Variants in LRMDA observed in about 807,000 individuals in gnomAD.
LRMDA encodes the protein leucine-rich melanocyte differentiation-associated protein.
Under a neutral mutation model 29.8 loss-of-function variants are expected in LRMDA, and 18 were observed. That is an observed-to-expected ratio of 0.60 (90% CI 0.42 to 0.90). The LOEUF (loss-of-function observed/expected upper bound fraction) is 0.90. LRMDA is among the 40% of genes least tolerant of loss of function. LRMDA has a pLI of 0.00. For synonymous variants in LRMDA, 125 were observed against 109.4 expected, an observed-to-expected ratio of 1.14 and a Z score of -0.89; for missense variants, 273 against 273.9, an observed-to-expected ratio of 1.00 and a Z score of 0.02.
intron 5 of LRMDA, among the ~76,000 whole-genome samples, chr10:76,074,900 T>C (rs1290585772): frequency 6.6e-6 from 1 of 152,188 alleles, no homozygotes; most frequent in Non-Finnish European, 1.5e-5. Flanking sequence ...AACTCCTTGA[T>C]GGAGAGTGAG....
intron 2 of LRMDA, among the ~76,000 whole-genome samples, chr10:75,654,297 A>G (rs564890047): frequency 6.6e-6 from 1 of 152,330 alleles, no homozygotes; most frequent in South Asian, 2.1e-4. Context: ...TGGAGACATT[A>G]CATCTTTACA....
At chr10:76,163,422 T>G (rs2132181551) in intron 5 of LRMDA, among the ~76,000 whole-genome samples, 1 of 152,240 alleles carries the variant, frequency 6.6e-6, no homozygotes. Flanking sequence ...ATTCTAAATG[T>G]ATGTGTGGTA....
chr10:76,474,707 A>T (rs1393730621), intron 6 of LRMDA, among the ~76,000 whole-genome samples: 1 of 151,636 alleles, frequency 6.6e-6, no homozygotes, highest in Admixed American at 6.6e-5. Flanking sequence ...GGCTATAATC[A>T]AAAAAGATAA....
At position 75,700,839 on chromosome 10, in the gene LRMDA, C is replaced by T. The variant is rs1032248866; in HGVS notation, c.131+262345C>T. 1.2e-4 allele frequency among the ~76,000 whole-genome samples: 18 copies of T among 152,020 alleles called. No homozygotes were observed. In the South Asian group the frequency reaches 2.3e-3, roughly 19 times the overall value. On this transcript the variant is annotated intron_variant, in intron 2 of 6. Transcript: ENST00000611255. ...CAGGGTCCTAGGTTAAGCAGTAGGC[C>T]CAGGGAAGCATGGCTGATAGTAGGG...
intron 2 of LRMDA, among the ~76,000 whole-genome samples, chr10:75,650,681 A>T (rs1212618356): frequency 2.0e-5 from 3 of 152,126 alleles, no homozygotes; most frequent in Non-Finnish European, 4.4e-5. Context: ...GAGAAAACAG[A>T]CTTGGAATGG....
chr10:75,773,561 G>A (rs982624651), intron 2 of LRMDA, among the ~76,000 whole-genome samples: 3 of 152,202 alleles, frequency 2.0e-5, no homozygotes, highest in Non-Finnish European at 4.4e-5. Flanking sequence ...GGAGACAGAT[G>A]AATGATGAAT....
chr10:76,426,314 T>C (rs1467984236), intron 6 of LRMDA, among the ~76,000 whole-genome samples: 1 of 152,230 alleles, frequency 6.6e-6, no homozygotes, highest in Non-Finnish European at 1.5e-5. Flanking sequence ...TGAGATGATA[T>C]CTCATTGTGG....
intron 2 of LRMDA, among the ~76,000 whole-genome samples, chr10:75,986,616 A>C (rs1296635029): frequency 1.3e-5 from 2 of 152,258 alleles, no homozygotes; most frequent in African/African-American, 2.4e-5. Flanking sequence ...AACAGAGCCC[A>C]CAGAATTAGC....
At chr10:76,351,460 T>G (rs1589147520) in intron 6 of LRMDA, among the ~76,000 whole-genome samples, 1 of 152,252 alleles carries the variant, frequency 6.6e-6, no homozygotes, top group East Asian at 1.9e-4. Context: ...AGTATCCTAC[T>G]ATTCTAGTTT....
At chr10:76,096,871 A>G (rs868137233) in intron 5 of LRMDA, among the ~76,000 whole-genome samples, 5 of 152,128 alleles carry the variant, frequency 3.3e-5, no homozygotes, top group Admixed American at 6.5e-5. Flanking sequence ...AAATGGTATG[A>G]GCTTCGAAAT....
Position 75,941,520 on chromosome 10 carries a change from G to A in LRMDA, c.132-94488G>A, listed in dbSNP as rs150572356. On this transcript the variant is annotated intron_variant, in intron 2 of 6. Transcript: ENST00000611255. The stretch of plus-strand genomic sequence containing the variant: ...TTGCTTGCCCAGGGGTTCTGTCACC[G>A]TTCATGGGGTTTAGGAAAGATGCCA... 2.1e-3 allele frequency among the ~76,000 whole-genome samples: 314 copies of A among 152,248 alleles called. 1 individual carries two copies. Among genetic ancestry groups the A allele is most frequent in the Admixed American group, 0.01 (159 of 15,292 alleles).
At chr10:76,525,986 G>A (rs533183916) in intron 6 of LRMDA, among the ~76,000 whole-genome samples, 1 of 152,258 alleles carries the variant, frequency 6.6e-6, no homozygotes, top group East Asian at 1.9e-4. Flanking sequence ...TCCCCAACTG[G>A]CTGATAATGA....
chr10:76,212,255 A>G (rs1851648567), intron 5 of LRMDA, among the ~76,000 whole-genome samples: 1 of 150,178 alleles, frequency 6.7e-6, no homozygotes, highest in South Asian at 2.1e-4. Flanking sequence ...ACACACACAC[A>G]CACACACACA....
chr10:75,741,313 C>T (rs1415988410), intron 2 of LRMDA, among the ~76,000 whole-genome samples: 1 of 152,146 alleles, frequency 6.6e-6, no homozygotes, highest in Non-Finnish European at 1.5e-5. Context: ...GGCCAGGGCA[C>T]ATTCTCAGAC....
At chr10:76,089,150 G>A (rs1446567809) in intron 5 of LRMDA, among the ~76,000 whole-genome samples, 1 of 152,186 alleles carries the variant, frequency 6.6e-6, no homozygotes, top group Non-Finnish European at 1.5e-5. Flanking sequence ...ACTGGCCATT[G>A]TTCATGAGGT....
chr10:76,315,647 G>C (rs1028978663), intron 5 of LRMDA, among the ~76,000 whole-genome samples: 23 of 152,152 alleles, frequency 1.5e-4, no homozygotes, highest in Non-Finnish European at 2.2e-4. Flanking sequence ...AGCTCCCTGC[G>C]GGCCTGTAGA....
chr10:76,545,642 TTA>T (rs1228231880), intron 6 of LRMDA, among the ~76,000 whole-genome samples: 244 of 59,180 alleles, frequency 4.1e-3, no homozygotes, highest in African/African-American at 0.016. Flanking sequence ...CAACCTTTTA[TTA>T]TTATTATTAT....
At chr10:75,764,978 C>G (rs1843144825) in intron 2 of LRMDA, among the ~76,000 whole-genome samples, 2 of 149,804 alleles carry the variant, frequency 1.3e-5, no homozygotes, top group African/African-American at 5.0e-5. Flanking sequence ...TTCATAGCAT[C>G]TCTGCCCTCT....
chr10:76,212,082 T>C (rs974114494), intron 5 of LRMDA, among the ~76,000 whole-genome samples: 2 of 152,194 alleles, frequency 1.3e-5, no homozygotes, highest in East Asian at 1.9e-4. Flanking sequence ...CAGAATCTTA[T>C]AGATTATCAA....
Sources: allele counts gnomAD v4.1 joint callset (sites outside exome capture counted in the v4.1 genomes callset), GRCh38; gene constraint gnomAD v4.1.1; transcripts MANE v1.5; gene names NCBI Gene and HGNC (gene_info 2026-07-23, HGNC 2026-07-21).